The following CSGALNACT1 variants were observed in gnomAD, a reference collection of about 807,000 sequenced individuals.
The protein encoded by CSGALNACT1 is chondroitin sulfate N-acetylgalactosaminyltransferase 1.
CSGALNACT1 carries 52 observed loss-of-function variants against 51.0 expected under a neutral mutation model. The observed-to-expected ratio is 1.02, with a 90% CI of 0.82 to 1.29. The LOEUF is 1.29. CSGALNACT1 is among the 50% of genes most tolerant of loss of function. The pLI, the probability that CSGALNACT1 is intolerant of heterozygous loss-of-function variation, is 0.00. For missense variants in CSGALNACT1, 935 were observed against 679.2 expected, an observed-to-expected ratio of 1.38 and a Z score of -4.19; for synonymous variants, 341 against 254.4, an observed-to-expected ratio of 1.34 and a Z score of -3.24.
At chr8:19,646,344 ATCACTGAAAAGT>A (rs1276162014) in intron 1 of CSGALNACT1, among the ~76,000 whole-genome samples, 1 of 152,238 alleles carries the variant, frequency 6.6e-6, no homozygotes, top group African/African-American at 2.4e-5. Context: ...GATTTTGCTG[ATCACTGAAAAGT>A]TAAAGGGCAA....
chr8:19,679,404 C>T (rs2060431875), intron 1 of CSGALNACT1, among the ~76,000 whole-genome samples: 1 of 152,046 alleles, frequency 6.6e-6, no homozygotes, highest in African/African-American at 2.4e-5. Flanking sequence ...CTGCAATGAG[C>T]CATGATCATG....
At chr8:19,439,500 T>A (rs2060947710) in intron 6 of CSGALNACT1, among the ~76,000 whole-genome samples, 1 of 152,162 alleles carries the variant, frequency 6.6e-6, no homozygotes, top group Non-Finnish European at 1.5e-5. Flanking sequence ...CTCTGCAACA[T>A]AAAGAAGTCC....
chr8:19,471,476 T>C (rs1392947401), intron 4 of CSGALNACT1, among the ~76,000 whole-genome samples: 1 of 152,204 alleles, frequency 6.6e-6, no homozygotes, highest in African/African-American at 2.4e-5. Flanking sequence ...CTAAAGCCTT[T>C]TAAAATGAAC....
chr8:19,580,931 G>C lies in CSGALNACT1; in HGVS notation c.-297+10229C>G, dbSNP rs575347988. Among the ~76,000 whole-genome samples the C allele has an allele frequency of 2.0e-5, 3 of 152,272 alleles. No individual in the cohort carries two copies. The South Asian group carries it at 6.2e-4, about 32-fold the overall frequency. ...TTTTATTGGAGTGAAACAGGTGTCA[G>C]CAGAAGAAAATCTAATCAGAAGCAC... On this transcript the variant is annotated intron_variant, in intron 3 of 9. Transcript: ENST00000454498.
At chr8:19,637,902 G>A (rs2056287611) in intron 1 of CSGALNACT1, among the ~76,000 whole-genome samples, 1 of 151,034 alleles carries the variant, frequency 6.6e-6, no homozygotes, top group African/African-American at 2.4e-5. Context: ...TATTAGTTGA[G>A]GTTAGCCACA....
chr8:19,703,212 T>C (rs1374711236), intron 1 of CSGALNACT1, among the ~76,000 whole-genome samples: 1 of 152,114 alleles, frequency 6.6e-6, no homozygotes, highest in Non-Finnish European at 1.5e-5. Flanking sequence ...GCTCAGCCCT[T>C]GTTCAGAAGG....
intron 3 of CSGALNACT1, among the ~76,000 whole-genome samples, chr8:19,572,444 AG>A (rs1234683790): frequency 2.6e-5 from 4 of 152,236 alleles, no homozygotes; most frequent in Non-Finnish European, 5.9e-5. Context: ...GAAAGCAAAA[AG>A]CAACAGGACT....
intron 1 of CSGALNACT1, among the ~76,000 whole-genome samples, chr8:19,629,953 G>C (rs2054986002): frequency 6.6e-6 from 1 of 152,176 alleles, no homozygotes; most frequent in Admixed American, 6.5e-5. Context: ...TAGAATCAAA[G>C]TTGTGTGTAA....
chr8:19,418,658 G>C, exon 8 of CSGALNACT1: 1 of 1,605,256 alleles, frequency 6.2e-7, no homozygotes. Flanking sequence ...TTACTCACCA[G>C]CTGCTGTTCC....
At chr8:19,666,627 G>A (rs983149967) in intron 1 of CSGALNACT1, among the ~76,000 whole-genome samples, 5 of 151,306 alleles carry the variant, frequency 3.3e-5, no homozygotes, top group African/African-American at 1.2e-4. Flanking sequence ...CAACCCAGGA[G>A]GCAGAGGTTA....
At chr8:19,690,758 C>T (rs376931070) in intron 1 of CSGALNACT1, among the ~76,000 whole-genome samples, 3 of 152,172 alleles carry the variant, frequency 2.0e-5, no homozygotes, top group African/African-American at 7.2e-5. Context: ...TTATCCCACC[C>T]TTTCTATCCT....
rs2061389955 is a variant in CSGALNACT1 at position 19,692,600 on chromosome 8, C to T, written c.-297+65250G>A. Reference sequence around the variant, plus strand: ...TGGCTAAAAATGTATGTGACTAACTCACATGGCTGTTGCTTCTGTGGCCAT... The same window carrying T: ...TGGCTAAAAATGTATGTGACTAACTTACATGGCTGTTGCTTCTGTGGCCAT... On this transcript the variant is annotated intron_variant, in intron 1 of 1. Coordinates refer to the CSGALNACT1 transcript ENST00000517494. Among the ~76,000 whole-genome samples, 3 of 152,198 alleles carry T rather than the reference C, an allele frequency of 2.0e-5. No individual in the cohort carries two copies. The South Asian group carries it at 6.2e-4, about 32-fold the overall frequency.
chr8:19,572,978 T>C (rs935700209), intron 3 of CSGALNACT1, among the ~76,000 whole-genome samples: 1 of 152,144 alleles, frequency 6.6e-6, no homozygotes, highest in African/African-American at 2.4e-5. Flanking sequence ...GGATTCAGAA[T>C]CAAAATTATA....
intron 3 of CSGALNACT1, among the ~76,000 whole-genome samples, chr8:19,516,316 C>G (rs959942911): frequency 2.0e-5 from 3 of 152,136 alleles, no homozygotes; most frequent in Non-Finnish European, 2.9e-5. Flanking sequence ...AGTAGCAGAG[C>G]CCAGCTTCAA....
chr8:19,466,394 G>A (rs926793764), intron 4 of CSGALNACT1, among the ~76,000 whole-genome samples: 2 of 152,112 alleles, frequency 1.3e-5, no homozygotes, highest in African/African-American at 2.4e-5. Context: ...TGCCTATGAA[G>A]ACATCCCCGC....
chr8:19,730,054 G>C (rs2063605963), intron 1 of CSGALNACT1, among the ~76,000 whole-genome samples: 1 of 152,146 alleles, frequency 6.6e-6, no homozygotes, highest in Non-Finnish European at 1.5e-5. Context: ...CACCAGACTA[G>C]AGACCTTTAC....
Position 19,632,931 on chromosome 8 carries a change from CTT to C in CSGALNACT1, c.-543-31068_-543-31067del, listed in dbSNP as rs747351529. ...CACCACACCCAGCTAATTTTTTTTT[CTT>C]TTTTTTTTTTTTTTGGTAGAGACGA... On this transcript the variant is annotated intron_variant, in intron 1 of 9. Coordinates refer to the CSGALNACT1 transcript ENST00000332246. Among the ~76,000 whole-genome samples, 421 of 138,238 alleles carry C rather than the reference CTT, an allele frequency of 3.0e-3. 3 individuals are homozygous for C. Among genetic ancestry groups the C allele is most frequent in the African/African-American group, 7.2e-3 (264 of 36,852 alleles). 90.7% of individuals were successfully genotyped at this position (138,238 alleles called of 152,430 possible).
At chr8:19,476,869 T>C (rs905671441) in intron 4 of CSGALNACT1, among the ~76,000 whole-genome samples, 3 of 152,088 alleles carry the variant, frequency 2.0e-5, no homozygotes, top group Admixed American at 6.5e-5. Context: ...ATTCTAGACC[T>C]CAGCTGTTGA....
At chr8:19,731,351 T>C (rs1263387331) in intron 1 of CSGALNACT1, among the ~76,000 whole-genome samples, 1 of 151,920 alleles carries the variant, frequency 6.6e-6, no homozygotes, top group East Asian at 1.9e-4. Flanking sequence ...CTACCAAAAA[T>C]ACAAAAATTA....
Sources: allele counts gnomAD v4.1 joint callset (sites outside exome capture counted in the v4.1 genomes callset), GRCh38; gene constraint gnomAD v4.1.1; transcripts MANE v1.5; gene names NCBI Gene and HGNC (gene_info 2026-07-23, HGNC 2026-07-21).